LRIF1: variants seen among roughly 807,000 people sequenced by gnomAD.
LRIF1 encodes ligand-dependent nuclear receptor-interacting factor 1.
In LRIF1, 32 loss-of-function variants were observed where a neutral mutation model predicts 52.7. That is an observed-to-expected ratio of 0.61 (90% confidence interval 0.46 to 0.82). The LOEUF (loss-of-function observed/expected upper bound fraction) is 0.82, where lower values mean the gene tolerates loss of function less well. LRIF1 is among the 40% of genes least tolerant of loss of function. The pLI, the probability that LRIF1 is intolerant of heterozygous loss-of-function variation, is 0.00. For missense variants in LRIF1, 887 were observed against 892.0 expected, an observed-to-expected ratio of 0.99 and a Z score of 0.07; for synonymous variants, 323 against 317.4, an observed-to-expected ratio of 1.02 and a Z score of -0.19.
chr1:110,908,333 A>C, the LRIF1 span, among the ~76,000 whole-genome samples: 31,652 of 152,188 alleles, frequency 0.21, 3,502 homozygotes, highest in Middle Eastern at 0.31. Flanking sequence ...TAACTCCAGC[A>C]ACTCTGAAAG....
the LRIF1 span, among the ~76,000 whole-genome samples, chr1:110,929,767 A>G: frequency 0.012 from 1,887 of 152,286 alleles, 41 homozygotes; most frequent in African/African-American, 0.043. Context: ...GGAACAGAAA[A>G]CCAAATACCA....
chr1:110,928,586 G>A, the LRIF1 span, among the ~76,000 whole-genome samples: 1 of 152,110 alleles, frequency 6.6e-6, no homozygotes, highest in African/African-American at 2.4e-5. Context: ...TTTAGAATAT[G>A]AACAATGATA....
At chr1:110,888,693 T>C in the LRIF1 span, among the ~76,000 whole-genome samples, 412 of 152,360 alleles carry the variant, frequency 2.7e-3, 8 homozygotes, top group South Asian at 0.045. Context: ...TATCTCAATA[T>C]GTACAAAATA....
chr1:110,910,292 C>CAAA, the LRIF1 span, among the ~76,000 whole-genome samples: 16 of 134,476 alleles, frequency 1.2e-4, no homozygotes, highest in African/African-American at 2.2e-4. Context: ...AAGCAATTCT[C>CAAA]AAAAAAAAAA....
rs745347812 is a variant in LRIF1, at chr1:110,952,270, A to C, written c.614T>G (p.Val205Gly). 2 of 1,614,202 alleles carry C rather than the reference A, an allele frequency of 1.2e-6. No individual in the cohort carries two copies. Among genetic ancestry groups the C allele is most frequent in the Non-Finnish European group, 8.5e-7 (1 of 1,180,028 alleles). ...GGCAGTTGCAAGTATCTTTTGCTGC[A>C]CTGAAGGAGGCAATGATGACGCTGG... ...SVPASSLPPS[V>G]QQKILATATT... The change falls in exon 2 of 4, where the codon GTG (valine) becomes GGG (glycine). Residue 205 changes from valine (V) to glycine (G), a missense_variant. Physicochemically the swap from Val to Gly is moderately radical, Grantham distance 109. Coordinates refer to ENST00000369763, the MANE Select transcript of LRIF1 (RefSeq NM_018372.4).
the LRIF1 span, among the ~76,000 whole-genome samples, chr1:110,925,756 G>A: frequency 6.6e-6 from 1 of 152,154 alleles, no homozygotes; most frequent in South Asian, 2.1e-4. Flanking sequence ...AAACCAATCT[G>A]TTAGAATTGG....
At position 110,948,078 on chromosome 1, in the gene LRIF1, C is replaced by T. The variant is rs772757214; in HGVS notation, c.2191G>A (p.Val731Met). ...NKNYTEDIFP[V>M]TPPELEETIR... ...GTTTCTTCTAACTCCGGTGGTGTCA[C>T]TGGGAAAATATCTTCGGTATAATTT... Residue 731 changes from valine (V) to methionine (M), a missense_variant, in exon 4 of 4, where the codon GTG becomes ATG. Coordinates refer to ENST00000369763, the MANE Select transcript of LRIF1 (RefSeq NM_018372.4). 1 of 1,614,032 alleles carries T rather than the reference C, an allele frequency of 6.2e-7. No individual in the cohort carries two copies. The highest frequency in any genetic ancestry group is 1.1e-5 in the South Asian group (1 of 91,074).
the LRIF1 span, among the ~76,000 whole-genome samples, chr1:110,894,639 C>T: frequency 7.0e-3 from 1,059 of 152,292 alleles, 10 homozygotes; most frequent in African/African-American, 0.024. Flanking sequence ...TCTTCCTCTA[C>T]TTGCTTTCCT....
At chr1:110,959,660 G>A (rs912196362) in intron 1 of LRIF1, among the ~76,000 whole-genome samples, 1 of 139,726 alleles carries the variant, frequency 7.2e-6, no homozygotes, top group Admixed American at 8.1e-5. Context: ...TGAGGCAGGA[G>A]AATCACTTGA....
At chr1:110,908,037 A>C in the LRIF1 span, among the ~76,000 whole-genome samples, 75 of 152,318 alleles carry the variant, frequency 4.9e-4, no homozygotes, top group Non-Finnish European at 3.5e-4. Context: ...TATCACGGTG[A>C]CCTTTCAGAG....
chr1:110,885,267 T>G, the LRIF1 span, among the ~76,000 whole-genome samples: 68 of 152,328 alleles, frequency 4.5e-4, 1 homozygote, highest in East Asian at 0.01. Context: ...TTAAAGAGAT[T>G]TGGGCAGGCG....
rs1212882285 is a variant in LRIF1, at chr1:110,947,819, T to A, written c.*140A>T. Reference sequence around the variant, plus strand: ...ATATGTGAATCAACCTTTTCTGTATTCCTTAAAGTTGTACAATCGACTGAT... The same window carrying A: ...ATATGTGAATCAACCTTTTCTGTATACCTTAAAGTTGTACAATCGACTGAT... On this transcript the variant is annotated 3_prime_UTR_variant, in exon 4 of 4. Coordinates refer to ENST00000369763, the MANE Select transcript of LRIF1 (RefSeq NM_018372.4). The A allele has an allele frequency of 8.6e-7, 1 of 1,156,534 alleles. No individual in the cohort carries two copies. The highest frequency in any genetic ancestry group is 1.2e-6 in the Non-Finnish European group (1 of 858,034). The allele number at this position is 1,156,534 out of a possible 1,614,324, so 71.6% of individuals were successfully genotyped here. A position where few individuals can be genotyped will look rare whatever the true frequency, so the allele number is the denominator to read the frequency against.
chr1:110,960,162 T>C (rs1658889555), intron 1 of LRIF1, among the ~76,000 whole-genome samples: 1 of 152,192 alleles, frequency 6.6e-6, no homozygotes, highest in Non-Finnish European at 1.5e-5. Flanking sequence ...TGGAAACATT[T>C]AATAACTTAC....
At chr1:110,948,849 G>A (rs1570938592) in intron 3 of LRIF1, among the ~76,000 whole-genome samples, 1 of 152,216 alleles carries the variant, frequency 6.6e-6, no homozygotes, top group South Asian at 2.1e-4. Context: ...CAAAGTTATA[G>A]ACATTTCTTT....
At chr1:110,946,807 C>G (rs1281766772), downstream of LRIF1, among the ~76,000 whole-genome samples, 1 of 151,888 alleles carries the variant, frequency 6.6e-6, no homozygotes. Flanking sequence ...CAGGTGCCCG[C>G]CACTGTGCCC....
At chr1:110,929,922 C>T in the LRIF1 span, among the ~76,000 whole-genome samples, 5 of 152,096 alleles carry the variant, frequency 3.3e-5, no homozygotes, top group African/African-American at 9.7e-5. Flanking sequence ...GTCTCAGCAC[C>T]TGGGTGACGA....
intron 2 of LRIF1, among the ~76,000 whole-genome samples, chr1:110,950,705 A>T (rs939081423): frequency 1.3e-5 from 2 of 151,758 alleles, no homozygotes; most frequent in African/African-American, 2.4e-5. Flanking sequence ...AGCTAATAAA[A>T]AGGAAAATGA....
the LRIF1 span, among the ~76,000 whole-genome samples, chr1:110,898,332 G>C: frequency 2.7e-5 from 4 of 149,370 alleles, no homozygotes; most frequent in African/African-American, 9.9e-5. Context: ...AGTCAAGATC[G>C]TGCCACTGCA....
At chr1:110,949,452 C>A (rs1208235241) in intron 3 of LRIF1, among the ~76,000 whole-genome samples, 2 of 143,726 alleles carry the variant, frequency 1.4e-5, no homozygotes, top group Non-Finnish European at 3.0e-5. Flanking sequence ...TGGAGTCCTG[C>A]CCTGTCGCCT....
Sources: gnomAD v4.1 joint callset for allele counts (sites outside exome capture counted in the v4.1 genomes callset) on GRCh38, gnomAD v4.1.1 for gene constraint, MANE v1.5 for transcripts, NCBI Gene and HGNC (gene_info 2026-07-23, HGNC 2026-07-21) for gene names.